HHAT: variants seen among roughly 807,000 people sequenced by gnomAD.
HHAT encodes protein-cysteine N-palmitoyltransferase HHAT.
Under a neutral mutation model 70.8 loss-of-function variants are expected in HHAT, and 47 were observed. That is an observed-to-expected ratio of 0.66 (90% confidence interval 0.53 to 0.85). HHAT has a LOEUF of 0.85. Among genes scored for constraint, HHAT ranks in the 40% least tolerant of loss-of-function variants. The pLI is 0.00. For missense variants in HHAT, 609 were observed against 604.8 expected (o/e 1.01, Z -0.07); for synonymous variants, 228 against 247.6 (o/e 0.92, Z 0.74).
At chr1:210,527,137 C>T (rs4540660) in intron 9 of HHAT, among the ~76,000 whole-genome samples, 35,186 of 151,996 alleles carry the variant, frequency 0.23, 4,467 homozygotes, top group Middle Eastern at 0.3. Flanking sequence ...GAACTTTTAG[C>T]CCCACCCTTA....
intron 10 of HHAT, among the ~76,000 whole-genome samples, chr1:210,603,720 G>A (rs75772850): frequency 0.03 from 4,628 of 152,266 alleles, 116 homozygotes; most frequent in Non-Finnish European, 0.05. Flanking sequence ...GATTTTTAAA[G>A]ATCTAAGGCA....
At chr1:210,347,485 G>T (rs950034668) in intron 1 of HHAT, among the ~76,000 whole-genome samples, 3 of 152,186 alleles carry the variant, frequency 2.0e-5, no homozygotes, top group African/African-American at 7.2e-5. Flanking sequence ...CATCCACAAT[G>T]AGACATACTT....
At chr1:210,623,431 G>T (rs1669247490) in intron 10 of HHAT, 95 bp from the exon 11 acceptor site, 3 of 1,385,650 alleles carry the variant, frequency 2.2e-6, no homozygotes, top group Non-Finnish European at 3.0e-6. Context: ...CTGTGGGGAG[G>T]CGTCCTGGGC....
chr1:210,464,421 G>A (rs1038586331), intron 7 of HHAT, 84 bp from the exon 8 acceptor site: 37 of 1,371,962 alleles, frequency 2.7e-5, no homozygotes, highest in Middle Eastern at 3.6e-4. Context: ...CGGGGCAGTT[G>A]GCATAGCTCC....
chr1:210,559,289 C>T (rs1412329302), intron 9 of HHAT, among the ~76,000 whole-genome samples: 2 of 152,146 alleles, frequency 1.3e-5, no homozygotes, highest in Non-Finnish European at 2.9e-5. Context: ...GGGCAGGGAC[C>T]TTCTCTGTAC....
chr1:210,572,185 T>C (rs927902366), intron 9 of HHAT, among the ~76,000 whole-genome samples: 3 of 152,196 alleles, frequency 2.0e-5, no homozygotes, highest in African/African-American at 7.2e-5. Context: ...CCGTCTCTGA[T>C]AGGGATCGTG....
chr1:210,485,092 G>T (rs933026075), intron 8 of HHAT, among the ~76,000 whole-genome samples: 3 of 152,112 alleles, frequency 2.0e-5, no homozygotes, highest in Admixed American at 2.0e-4. Flanking sequence ...GTGTTGAGCG[G>T]CTACCAGAAG....
At chr1:210,545,331 G>A (rs2095473701) in intron 9 of HHAT, among the ~76,000 whole-genome samples, 1 of 152,054 alleles carries the variant, frequency 6.6e-6, no homozygotes, top group Non-Finnish European at 1.5e-5. Flanking sequence ...GCTGCCACAA[G>A]GCATTTGCAC....
At chr1:210,545,052 G>A (rs937311815) in intron 9 of HHAT, among the ~76,000 whole-genome samples, 7 of 150,482 alleles carry the variant, frequency 4.7e-5, no homozygotes, top group South Asian at 4.2e-4. Context: ...CCTCCTACCC[G>A]TTCTCCATAT....
At chr1:210,350,306 A>T (rs566767555) in intron 2 of HHAT, among the ~76,000 whole-genome samples, 47 of 152,350 alleles carry the variant, frequency 3.1e-4, no homozygotes, top group Non-Finnish European at 4.3e-4. Flanking sequence ...GTACATTCGG[A>T]CAATGGAATT....
At chr1:210,551,976 A>G (rs2095531469) in intron 9 of HHAT, among the ~76,000 whole-genome samples, 1 of 152,230 alleles carries the variant, frequency 6.6e-6, no homozygotes, top group Non-Finnish European at 1.5e-5. Flanking sequence ...CTTACTGACC[A>G]TCAGCTACAA....
At chr1:210,621,724 T>G (rs1668862155) in intron 10 of HHAT, among the ~76,000 whole-genome samples, 1 of 152,182 alleles carries the variant, frequency 6.6e-6, no homozygotes, top group African/African-American at 2.4e-5. Context: ...TACGTGCCTG[T>G]GGCCTCCTAG....
At chr1:210,661,246 G>A in intron 11 of HHAT, among the ~76,000 whole-genome samples, 1 of 151,944 alleles carries the variant, frequency 6.6e-6, no homozygotes, top group African/African-American at 2.4e-5. Flanking sequence ...ATCAAAAAGT[G>A]GACAAAGGAT....
intron 8 of HHAT, among the ~76,000 whole-genome samples, chr1:210,505,131 T>A (rs2148558047): frequency 6.6e-6 from 1 of 152,254 alleles, no homozygotes; most frequent in East Asian, 1.9e-4. Context: ...ACTCCTGACC[T>A]CAGGTGATAC....
chr1:210,453,789 A>G (rs961020347), intron 7 of HHAT, among the ~76,000 whole-genome samples: 5 of 152,200 alleles, frequency 3.3e-5, no homozygotes, highest in Non-Finnish European at 5.9e-5. Context: ...ATTAGTAGTT[A>G]ATTTCCAATT....
At chr1:210,340,269 G>C (rs1019819964) in intron 1 of HHAT, among the ~76,000 whole-genome samples, 24 of 94,904 alleles carry the variant, frequency 2.5e-4, no homozygotes, top group Admixed American at 1.3e-4. Context: ...AAAAAAAAAA[G>C]ACTCAAGTGG....
chr1:210,392,154 C>T (rs898820443), intron 4 of HHAT, among the ~76,000 whole-genome samples: 31 of 152,180 alleles, frequency 2.0e-4, no homozygotes, highest in African/African-American at 7.2e-4. Flanking sequence ...CAGGCATGAG[C>T]TACTGCACCT....
intron 8 of HHAT, among the ~76,000 whole-genome samples, chr1:210,474,294 AATT>A (rs1441946893): frequency 4.6e-5 from 7 of 152,026 alleles, no homozygotes; most frequent in African/African-American, 1.7e-4. Flanking sequence ...GATAAATAAT[AATT>A]ATTTATTTTC....
At chr1:210,527,073 G>A (rs1005403763) in intron 9 of HHAT, among the ~76,000 whole-genome samples, 31 of 152,104 alleles carry the variant, frequency 2.0e-4, no homozygotes, top group African/African-American at 7.5e-4. Flanking sequence ...CTTTTGGATA[G>A]CATCAGGATG....
Sources: gnomAD v4.1 joint callset for allele counts (sites outside exome capture counted in the v4.1 genomes callset) on GRCh38, gnomAD v4.1.1 for gene constraint, MANE v1.5 for transcripts, NCBI Gene and HGNC (gene_info 2026-07-23, HGNC 2026-07-21) for gene names.